The following TRAPPC9 variants were observed in gnomAD, a reference collection of about 807,000 sequenced individuals.
TRAPPC9 encodes the protein trafficking protein particle complex subunit 9.
A neutral mutation model predicts 124.0 loss-of-function variants in TRAPPC9; 83 were observed. The observed-to-expected ratio is 0.67, with a 90% CI of 0.56 to 0.80. The LOEUF is 0.80. Among genes scored for constraint, TRAPPC9 ranks in the 30% least tolerant of loss-of-function variants. The pLI is 0.00. For synonymous variants in TRAPPC9, 638 were observed against 617.5 expected, an observed-to-expected ratio of 1.03 and a Z score of -0.49; for missense variants, 1,302 against 1,508.3, an observed-to-expected ratio of 0.86 and a Z score of 2.27.
intron 19 of TRAPPC9, among the ~76,000 whole-genome samples, chr8:139,981,800 C>A (rs1343274798): frequency 6.6e-6 from 1 of 152,212 alleles, no homozygotes; most frequent in Non-Finnish European, 1.5e-5. Flanking sequence ...CTCTTCCCTG[C>A]CCCTCTCGCA....
intron 17 of TRAPPC9, among the ~76,000 whole-genome samples, chr8:140,076,113 G>A (rs1350185306): frequency 1.3e-5 from 2 of 152,232 alleles, no homozygotes; most frequent in Admixed American, 6.5e-5. Context: ...GGGAGATGGA[G>A]AGACGCAAGC....
At chr8:140,165,788 T>C (rs2061827125) in intron 17 of TRAPPC9, among the ~76,000 whole-genome samples, 2 of 152,086 alleles carry the variant, frequency 1.3e-5, no homozygotes, top group South Asian at 4.1e-4. Flanking sequence ...CAAAGCAACC[T>C]GCCCGGAGCC....
chr8:139,882,067 C>A (rs549810557), intron 21 of TRAPPC9, among the ~76,000 whole-genome samples: 2 of 152,284 alleles, frequency 1.3e-5, no homozygotes, highest in East Asian at 3.9e-4. Context: ...GTTTTCACAC[C>A]AGGGCTTGGG....
At chr8:140,224,095 A>G (rs1029463772) in intron 16 of TRAPPC9, among the ~76,000 whole-genome samples, 1 of 152,176 alleles carries the variant, frequency 6.6e-6, no homozygotes, top group African/African-American at 2.4e-5. Context: ...CTGCACTTAG[A>G]AGAAAATGGA....
chr8:140,269,987 T>C (rs1344712615), intron 15 of TRAPPC9, among the ~76,000 whole-genome samples: 7 of 151,644 alleles, frequency 4.6e-5, no homozygotes, highest in African/African-American at 7.3e-5. Flanking sequence ...GTAATCCCAG[T>C]TACTCAGGAG....
intron 18 of TRAPPC9, among the ~76,000 whole-genome samples, chr8:140,007,049 G>A (rs991779333): frequency 1.7e-4 from 26 of 152,192 alleles, no homozygotes; most frequent in African/African-American, 6.3e-4. Context: ...ACAGGAAGCA[G>A]GGGCGCCCAG....
intron 19 of TRAPPC9, among the ~76,000 whole-genome samples, chr8:139,964,176 A>G (rs989076060): frequency 1.4e-4 from 20 of 144,694 alleles, no homozygotes; most frequent in African/African-American, 5.2e-4. Flanking sequence ...GTGAGCAGAG[A>G]TCGCGCCACC....
chr8:140,245,333 C>T (rs1445911799), intron 16 of TRAPPC9, among the ~76,000 whole-genome samples: 1 of 152,166 alleles, frequency 6.6e-6, no homozygotes, highest in Non-Finnish European at 1.5e-5. Flanking sequence ...CTAGTCACTG[C>T]CTTGCTTCTC....
intron 17 of TRAPPC9, among the ~76,000 whole-genome samples, chr8:140,220,284 A>G (rs1389167789): frequency 6.6e-6 from 1 of 152,210 alleles, no homozygotes; most frequent in Non-Finnish European, 1.5e-5. Flanking sequence ...GTCTGCCTCA[A>G]GCCCACCAGA....
At chr8:140,431,826 C>T (rs1277969870) in intron 4 of TRAPPC9, among the ~76,000 whole-genome samples, 1 of 152,182 alleles carries the variant, frequency 6.6e-6, no homozygotes, top group African/African-American at 2.4e-5. Flanking sequence ...ACATGCAAAA[C>T]TGGGTGCAAT....
intron 19 of TRAPPC9, among the ~76,000 whole-genome samples, chr8:139,944,468 G>A (rs865862499): frequency 1.1e-4 from 17 of 152,320 alleles, no homozygotes; most frequent in Non-Finnish European, 2.2e-4. Context: ...AGGAACCGAT[G>A]TGGTTGCAAA....
chr8:139,762,030 T>C (rs963604603), intron 21 of TRAPPC9, among the ~76,000 whole-genome samples: 2 of 151,794 alleles, frequency 1.3e-5, no homozygotes, highest in African/African-American at 4.8e-5. Context: ...AACCCGGCCC[T>C]GTCTGGGCTC....
At chr8:139,935,188 T>A (rs150908981) in intron 19 of TRAPPC9, among the ~76,000 whole-genome samples, 40 of 152,320 alleles carry the variant, frequency 2.6e-4, no homozygotes, top group African/African-American at 8.9e-4. Context: ...CAGGACCTTC[T>A]GTCCTAGAAC....
intron 17 of TRAPPC9, among the ~76,000 whole-genome samples, chr8:140,129,852 C>T (rs774252212): frequency 2.6e-5 from 4 of 152,172 alleles, no homozygotes; most frequent in Non-Finnish European, 2.9e-5. Context: ...TGTAAATGCA[C>T]GTGTACGCAT....
At chr8:140,317,516 C>T (rs2066471601) in intron 9 of TRAPPC9, among the ~76,000 whole-genome samples, 1 of 152,144 alleles carries the variant, frequency 6.6e-6, no homozygotes, top group African/African-American at 2.4e-5. Context: ...AGACTAAAAC[C>T]CAGAGGCTAG....
intron 18 of TRAPPC9, among the ~76,000 whole-genome samples, chr8:139,989,834 G>A (rs1421403022): frequency 4.6e-5 from 7 of 152,184 alleles, no homozygotes; most frequent in East Asian, 1.9e-4. Flanking sequence ...ATAGGTTAAC[G>A]TCACAGTTGA....
At chr8:140,197,636 C>T (rs141779315) in intron 17 of TRAPPC9, among the ~76,000 whole-genome samples, 1 of 152,106 alleles carries the variant, frequency 6.6e-6, no homozygotes, top group African/African-American at 2.4e-5. Flanking sequence ...TTACCAGATA[C>T]GTATTGACAT....
intron 10 of TRAPPC9, among the ~76,000 whole-genome samples, chr8:140,305,857 C>A (rs1391292987): frequency 6.6e-6 from 1 of 152,176 alleles, no homozygotes; most frequent in African/African-American, 2.4e-5. Context: ...GTCTCATCAA[C>A]CTCAGTTCAA....
chr8:139,939,227 C>A (rs960220878), intron 19 of TRAPPC9, among the ~76,000 whole-genome samples: 3 of 152,184 alleles, frequency 2.0e-5, no homozygotes, highest in Non-Finnish European at 4.4e-5. Context: ...GCCCAGAGTC[C>A]AAGGAAGGTC....
Sources: allele counts gnomAD v4.1 joint callset (sites outside exome capture counted in the v4.1 genomes callset), GRCh38; gene constraint gnomAD v4.1.1; transcripts MANE v1.5; gene names NCBI Gene and HGNC (gene_info 2026-07-23, HGNC 2026-07-21).